CEMIP: variants seen among roughly 807,000 people sequenced by gnomAD.
CEMIP encodes the protein cell migration-inducing and hyaluronan-binding protein.
CEMIP carries 105 observed loss-of-function variants against 156.9 expected under a neutral mutation model. The observed-to-expected ratio is 0.67, with a 90% CI of 0.57 to 0.79. The LOEUF (loss-of-function observed/expected upper bound fraction) is 0.79, where lower values mean the gene tolerates loss of function less well. Among genes scored for constraint, CEMIP ranks in the 30% least tolerant of loss-of-function variants. The pLI is 0.00. For synonymous variants in CEMIP, 676 were observed against 668.4 expected, an observed-to-expected ratio of 1.01 and a Z score of -0.17; for missense variants, 1,457 against 1,769.4, an observed-to-expected ratio of 0.82 and a Z score of 3.17.
intron 1 of CEMIP, among the ~76,000 whole-genome samples, chr15:80,802,810 A>G (rs775037362): frequency 1.6e-4 from 25 of 152,180 alleles, no homozygotes; most frequent in Non-Finnish European, 2.4e-4. Flanking sequence ...TTGGACTAGC[A>G]ACTTAACTTC....
intron 1 of CEMIP, among the ~76,000 whole-genome samples, chr15:80,864,886 T>A (rs28631608): frequency 0.024 from 3,644 of 152,272 alleles, 145 homozygotes; most frequent in African/African-American, 0.083. Context: ...TTTTTCTGAG[T>A]CACTTGGTCA....
chr15:80,922,206 G>A (rs1044614767), intron 17 of CEMIP, 69 bp downstream of exon 17: 1 of 1,597,992 alleles, frequency 6.3e-7, no homozygotes, highest in Non-Finnish European at 8.6e-7. Flanking sequence ...CAGATGATTA[G>A]AGCCGGGACA....
chr15:80,915,437 T>C (rs1185120219), intron 14 of CEMIP, among the ~76,000 whole-genome samples: 2 of 152,206 alleles, frequency 1.3e-5, no homozygotes, highest in African/African-American at 4.8e-5. Context: ...CTAACTCTTA[T>C]AATTGTTGCA....
chr15:80,855,101 C>T lies in CEMIP; in HGVS notation c.-175-18437C>T, dbSNP rs139050090. On this transcript the variant is annotated intron_variant, in intron 1 of 29. Transcript: ENST00000394685. Reference sequence around the variant, plus strand: ...ACTCAGGTGGCTGAGATGGAAGGATCGCTTGAGTACAGGGGTTTGAGGCTG... The same window carrying T: ...ACTCAGGTGGCTGAGATGGAAGGATTGCTTGAGTACAGGGGTTTGAGGCTG... Among the ~76,000 whole-genome samples the T allele has an allele frequency of 4.0e-3, 602 of 152,230 alleles. 9 individuals carry two copies. The highest frequency in any genetic ancestry group is 0.014 in the African/African-American group (583 of 41,548).
intron 1 of CEMIP, among the ~76,000 whole-genome samples, chr15:80,814,043 CTTTTTTTTTTTT>C (rs778309859): frequency 1.4e-5 from 1 of 73,728 alleles, no homozygotes; most frequent in East Asian, 4.5e-4. Context: ...AACTCTTTGG[CTTTTTTTTTTTT>C]TTTTTTTTTT....
intron 5 of CEMIP, among the ~76,000 whole-genome samples, chr15:80,880,589 C>T (rs186204827): frequency 6.6e-6 from 1 of 152,268 alleles, no homozygotes; most frequent in African/African-American, 2.4e-5. Context: ...GCATGTTCCA[C>T]CACGCCTGGC....
intron 25 of CEMIP, among the ~76,000 whole-genome samples, chr15:80,940,645 G>T (rs1210104856): frequency 1.3e-5 from 2 of 152,194 alleles, no homozygotes; most frequent in Non-Finnish European, 2.9e-5. Context: ...TGATGTGGAT[G>T]GCTTGAAACA....
At chr15:80,923,368 G>C (rs114289070) in intron 17 of CEMIP, among the ~76,000 whole-genome samples, 1,790 of 152,272 alleles carry the variant, frequency 0.012, 26 homozygotes, top group African/African-American at 0.041. Flanking sequence ...ACTGCTGTTG[G>C]TGGCAGGGGG....
intron 1 of CEMIP, among the ~76,000 whole-genome samples, chr15:80,857,468 G>A (rs1208752126): frequency 6.6e-6 from 1 of 152,166 alleles, no homozygotes; most frequent in Non-Finnish European, 1.5e-5. Flanking sequence ...TGCTTCCCAG[G>A]GGAAAGGAAG....
chr15:80,852,596 A>G (rs150977083), intron 1 of CEMIP, among the ~76,000 whole-genome samples: 294 of 151,894 alleles, frequency 1.9e-3, no homozygotes, highest in African/African-American at 6.9e-3. Flanking sequence ...TCATACTGAA[A>G]TGTGGTTTAA....
Position 80,922,042 on chromosome 15 carries a change from C to T in CEMIP, c.2107C>T (p.Pro703Ser), listed in dbSNP as rs1220194099. 6.2e-7 allele frequency: 1 copy of T among 1,614,254 alleles called. No homozygotes were observed. ...ATTTTGGTTTATTTTTCACCACGTA[C>T]CAACGGGCCCCTCCGTGGGAATGTA... is the stretch of plus-strand genomic sequence containing the variant. ...TGFWFIFHHVPTGPSVGMYSP... is the reference protein window; with the variant it reads ...TGFWFIFHHVSTGPSVGMYSP... The change falls in exon 17 of 30, where the codon CCA becomes TCA. Residue 703 changes from proline (P) to serine (S), a missense_variant. Physicochemically the swap from Pro to Ser is moderately conservative, Grantham distance 74. Around this residue, in one of 5 missense-constraint regions of CEMIP, gnomAD observed 798 missense variants for 980.1 expected, o/e 0.81. Transcript: ENST00000394685.
chr15:80,895,931 G>A lies in CEMIP; in HGVS notation c.1282G>A (p.Asp428Asn). Reference sequence around the variant, plus strand: ...GAACAGCACCATTCTGAACTTGGAGGATAATGTACAGTCATGGAAACCTGG... The same window carrying A: ...GAACAGCACCATTCTGAACTTGGAGAATAATGTACAGTCATGGAAACCTGG... ...NVNSTILNLE[D>N]NVQSWKPGDT... Residue 428 changes from aspartate (D) to asparagine (N), a missense_variant, in exon 12 of 30, where the codon GAT becomes AAT. By Grantham distance (23) the Asp-to-Asn change is conservative. Coordinates refer to ENST00000394685, the MANE Select transcript of CEMIP (RefSeq NM_001293298.2). 1 of 1,614,178 alleles carries A rather than the reference G, an allele frequency of 6.2e-7. No homozygotes were observed. The highest frequency in any genetic ancestry group is 8.5e-7 in the Non-Finnish European group (1 of 1,180,030).
In CEMIP at chr15:80,906,738, G is replaced by A; in HGVS notation, c.1487G>A (p.Arg496Gln). The part of the protein sequence containing the change: ...DMRAEVGLLS[R>Q]NIIVMGEMED... ...CGGGCGGAGGTTGGGCTTCTGAGCC[G>A]GAACATCATAGTGATGGGGGAGATG... Residue 496 changes from arginine (R) to glutamine (Q), a missense_variant, in exon 13 of 30, where the codon CGG (arginine) becomes CAG (glutamine). Physicochemically the swap from Arg to Gln is conservative, Grantham distance 43. Transcript: ENST00000394685. This position sits in a 1 kb window ranked among gnomAD's most constrained non-coding sequence, Gnocchi z 4.3. 6.2e-6 allele frequency: 10 copies of A among 1,614,150 alleles called. No homozygotes were observed. The highest frequency in any genetic ancestry group is 1.3e-5 in the African/African-American group (1 of 75,026).
At chr15:80,833,382 G>A (rs1897198790) in intron 1 of CEMIP, among the ~76,000 whole-genome samples, 1 of 151,866 alleles carries the variant, frequency 6.6e-6, no homozygotes. Context: ...CCATATCTGA[G>A]GGTTCAGACT....
rs146770716 is a variant in CEMIP at position 80,906,905 on chromosome 15, C to T, written c.1587+67C>T. 9.4e-4 allele frequency: 1,431 copies of T among 1,522,944 alleles called. 16 individuals are homozygous for T. In the African/African-American group the frequency reaches 0.016, roughly 17 times the overall value. The allele number at this position is 1,522,944 out of a possible 1,614,324, so 94.3% of individuals were successfully genotyped here. On this transcript the variant is annotated intron_variant, in intron 13 of 29. Coordinates refer to ENST00000394685, the MANE Select transcript of CEMIP (RefSeq NM_001293298.2). The surrounding 1 kb of genome is among the most constrained non-coding windows in gnomAD (Gnocchi z 4.3). ...AGTTCCTATGATGTCAGCCTCTAGA[C>T]GGGCCTTCTTGGTAGGGATGAGGGT... is the stretch of plus-strand genomic sequence containing the variant.
intron 1 of CEMIP, among the ~76,000 whole-genome samples, chr15:80,805,454 T>C (rs534630031): frequency 6.6e-6 from 1 of 152,240 alleles, no homozygotes; most frequent in Non-Finnish European, 1.5e-5. Flanking sequence ...GTTAGGTGTT[T>C]AAAAAACGCA....
At chr15:80,945,409 A>G (rs1171858479) in intron 28 of CEMIP, among the ~76,000 whole-genome samples, 1 of 152,220 alleles carries the variant, frequency 6.6e-6, no homozygotes, top group Admixed American at 6.5e-5. Flanking sequence ...GCTCCAACAA[A>G]GGACCATTAG....
intron 1 of CEMIP, among the ~76,000 whole-genome samples, chr15:80,803,968 C>A (rs146096235): frequency 6.6e-6 from 1 of 152,216 alleles, no homozygotes; most frequent in Non-Finnish European, 1.5e-5. Context: ...AGTTCCACAG[C>A]TGGGGAGGCC....
intron 1 of CEMIP, among the ~76,000 whole-genome samples, chr15:80,835,081 C>CAGAGAGAG (rs36062989): frequency 1.0e-3 from 158 of 150,762 alleles, no homozygotes; most frequent in African/African-American, 3.6e-3. Context: ...GTCCTCATTG[C>CAGAGAGAG]AGAGAGAGAG....
Sources: gnomAD v4.1 joint callset for allele counts (sites outside exome capture counted in the v4.1 genomes callset) on GRCh38, gnomAD v4.1.1 for gene constraint, gnomAD v4.1.1 regional missense constraint, Gnocchi (gnomAD v3.1) non-coding constraint, MANE v1.5 for transcripts, NCBI Gene and HGNC (gene_info 2026-07-23, HGNC 2026-07-21) for gene names.